FBXO11: variants seen among roughly 807,000 people sequenced by gnomAD.
The protein encoded by FBXO11 is F-box only protein 11.
FBXO11 carries 13 observed loss-of-function variants against 117.0 expected under a neutral mutation model. The ratio of observed to expected loss-of-function variants is 0.11; its 90% CI spans 0.07 to 0.18. The LOEUF (loss-of-function observed/expected upper bound fraction) is 0.18. Ranked by LOEUF, FBXO11 falls within the 10% of genes least tolerant of loss-of-function variation. The pLI, the probability that FBXO11 is intolerant of heterozygous loss-of-function variation, is 1.00. For missense variants in FBXO11, 767 were observed against 1,164.4 expected, an observed-to-expected ratio of 0.66 and a Z score of 4.97; for synonymous variants, 490 against 380.5, an observed-to-expected ratio of 1.29 and a Z score of -3.35.
chr2:47,895,340 T>C (rs573638060), intron 1 of FBXO11, among the ~76,000 whole-genome samples: 1 of 152,156 alleles, frequency 6.6e-6, no homozygotes, highest in Non-Finnish European at 1.5e-5. Flanking sequence ...AAAAAACTAA[T>C]GCTACAAGCA....
chr2:47,889,612 A>T (rs1426838672), intron 1 of FBXO11, among the ~76,000 whole-genome samples: 1 of 145,284 alleles, frequency 6.9e-6, no homozygotes, highest in Non-Finnish European at 1.5e-5. Flanking sequence ...CTTCTTAGAA[A>T]TCCTCTTAGA....
intron 1 of FBXO11, among the ~76,000 whole-genome samples, chr2:47,874,047 T>C (rs1572885140): frequency 6.6e-6 from 1 of 152,034 alleles, no homozygotes; most frequent in Non-Finnish European, 1.5e-5. Flanking sequence ...ACCCCGTCTC[T>C]ACTAAAAAGA....
chr2:47,904,581 A>AACACACACACAC lies in FBXO11; in HGVS notation c.232+896_232+907dup, dbSNP rs112758707. Among the ~76,000 whole-genome samples the AACACACACACAC allele has an allele frequency of 1.8e-4, 26 of 147,688 alleles. No homozygotes were observed. In the South Asian group the frequency reaches 3.1e-3, roughly 17 times the overall value. ...CAACACACACACGCGCGCGCGCGCAAACACACACACACACACACACACACA... is the reference window on the plus strand; with the variant it reads ...CAACACACACACGCGCGCGCGCGCAAACACACACACACACACACACACACACACACACACACA... On this transcript the variant is annotated intron_variant, in intron 1 of 22. Transcript: ENST00000403359.
chr2:47,879,421 T>C (rs1019486099), intron 1 of FBXO11, among the ~76,000 whole-genome samples: 1 of 152,208 alleles, frequency 6.6e-6, no homozygotes, highest in African/African-American at 2.4e-5. Context: ...TCACAACCAA[T>C]GGAGTATGCT....
intron 1 of FBXO11, among the ~76,000 whole-genome samples, chr2:47,857,020 G>C (rs373393151): frequency 3.3e-5 from 5 of 152,078 alleles, no homozygotes; most frequent in East Asian, 1.9e-4. Flanking sequence ...TGTGATAATG[G>C]GATAAACTCT....
chr2:47,831,036 C>T (rs961725276), intron 11 of FBXO11, among the ~76,000 whole-genome samples: 12 of 151,822 alleles, frequency 7.9e-5, no homozygotes, highest in Non-Finnish European at 1.3e-4. Flanking sequence ...TGAGCCCAAG[C>T]GATCCAACTG....
chr2:47,872,541 C>G (rs1403093132), intron 1 of FBXO11, among the ~76,000 whole-genome samples: 1 of 152,192 alleles, frequency 6.6e-6, no homozygotes, highest in African/African-American at 2.4e-5. Context: ...CCAGAGTGGT[C>G]TAAAACTCCT....
chr2:47,887,535 C>T (rs1676952819), intron 1 of FBXO11, among the ~76,000 whole-genome samples: 1 of 151,846 alleles, frequency 6.6e-6, no homozygotes, highest in Non-Finnish European at 1.5e-5. Context: ...CAAGACCAAC[C>T]TAGGAGACAA....
At chr2:47,814,373 C>CT (rs141660721) in intron 16 of FBXO11, 84,730 of 131,474 alleles carry the variant, frequency 0.64, 27,751 homozygotes, top group African/African-American at 0.78. Context: ...TTCAGGGAGT[C>CT]TTTTTTTTTT....
At position 47,807,618 on chromosome 2, in the gene FBXO11, T is replaced by C. The variant is rs1670313103; in HGVS notation, c.*500A>G. The stretch of plus-strand genomic sequence containing the variant: ...ATTTTGCTTGAAATTAAAAACAAAC[T>C]ACATGAGATTAAAGCATTAAAATCA... On this transcript the variant is annotated 3_prime_UTR_variant, in exon 23 of 23. Transcript: ENST00000403359. The C allele has an allele frequency of 4.5e-6, 1 of 220,282 alleles. No individual in the cohort carries two copies. Among genetic ancestry groups the C allele is most frequent in the Non-Finnish European group, 9.1e-6 (1 of 109,780 alleles). 13.6% of individuals were successfully genotyped at this position (220,282 alleles called of 1,614,324 possible). A position where few individuals can be genotyped will look rare whatever the true frequency, so the allele number is the denominator to read the frequency against.
Position 47,832,663 on chromosome 2 carries a change from C to G in FBXO11, c.1169G>C (p.Cys390Ser). ...RSTCTVGSAV[C>S]VSGQGACPTI... ...GGGACATGCTCCTTGACCACTAACA[C>G]ATACTGCAGAACCAACTGTAGAAAA... The change falls in exon 10 of 23, where the codon TGT becomes TCT. Residue 390 changes from cysteine (C) to serine (S), a missense_variant. Cys to Ser is a moderately radical substitution (Grantham distance 112). Coordinates refer to ENST00000403359, the MANE Select transcript of FBXO11 (RefSeq NM_001190274.2). 1 of 1,613,818 alleles carries G rather than the reference C, an allele frequency of 6.2e-7. No homozygotes were observed. Among genetic ancestry groups the G allele is most frequent in the Non-Finnish European group, 8.5e-7 (1 of 1,179,866 alleles).
intron 1 of FBXO11, among the ~76,000 whole-genome samples, chr2:47,882,298 C>T (rs1676488647): frequency 6.6e-6 from 1 of 152,126 alleles, no homozygotes; most frequent in Admixed American, 6.6e-5. Context: ...CTAAGGCCAG[C>T]CAGATTTCAA....
rs1670256974 is a variant in FBXO11 at position 47,807,042 on chromosome 2, T to G, written c.*1076A>C. The stretch of plus-strand genomic sequence containing the variant: ...TGGTTATTGAATACTCCACAATATA[T>G]TAAGTCTAGATGTTATGGTACATGC... On this transcript the variant is annotated 3_prime_UTR_variant, in exon 23 of 23. Transcript: ENST00000403359. 1.6e-6 allele frequency: 1 copy of G among 615,152 alleles called. No individual in the cohort carries two copies. Among genetic ancestry groups the G allele is most frequent in the Non-Finnish European group, 2.9e-6 (1 of 350,366 alleles). 38.1% of individuals were successfully genotyped at this position (615,152 alleles called of 1,614,324 possible).
chr2:47,832,323 T>C (rs1195158985), intron 11 of FBXO11, 26 bp downstream of exon 11: 2 of 1,551,726 alleles, frequency 1.3e-6, no homozygotes, highest in Admixed American at 2.1e-5. Context: ...GAAGTCCGTT[T>C]TTCTATTAAA....
intron 16 of FBXO11, among the ~76,000 whole-genome samples, chr2:47,816,730 G>T (rs1671031564): frequency 6.6e-6 from 1 of 152,162 alleles, no homozygotes; most frequent in South Asian, 2.1e-4. Context: ...TTGGGTTACT[G>T]GGTGCATTGT....
chr2:47,862,264 T>C (rs1558452232), intron 1 of FBXO11, among the ~76,000 whole-genome samples: 1 of 152,098 alleles, frequency 6.6e-6, no homozygotes, highest in Non-Finnish European at 1.5e-5. Flanking sequence ...AGATTTAAGT[T>C]ACATCCAAAA....
intron 1 of FBXO11, among the ~76,000 whole-genome samples, chr2:47,892,651 A>G (rs990239660): frequency 6.6e-6 from 1 of 152,242 alleles, no homozygotes; most frequent in African/African-American, 2.4e-5. Context: ...ATGAGGAAAC[A>G]AAATGTTGTT....
chr2:47,897,701 C>CAAAAAAAAAAAAA (rs60982405), intron 1 of FBXO11, among the ~76,000 whole-genome samples: 1 of 103,132 alleles, frequency 9.7e-6, no homozygotes, highest in Admixed American at 1.1e-4. Flanking sequence ...TGTCTTAAAC[C>CAAAAAAAAAAAAA]AAAAAAAAAA....
chr2:47,812,559 C>T (rs957264775), intron 18 of FBXO11, among the ~76,000 whole-genome samples: 2 of 152,198 alleles, frequency 1.3e-5, no homozygotes, highest in East Asian at 3.8e-4. Context: ...TCAATGGAAT[C>T]ATCACTGCTT....
Sources: allele counts gnomAD v4.1 joint callset (sites outside exome capture counted in the v4.1 genomes callset), GRCh38; gene constraint gnomAD v4.1.1; transcripts MANE v1.5; gene names NCBI Gene and HGNC (gene_info 2026-07-23, HGNC 2026-07-21).